Variants in ANK3 observed in about 807,000 individuals in gnomAD.
The protein encoded by ANK3 is ankyrin 3, also known as ankyrin-3.
In ANK3, 57 loss-of-function variants were observed where a neutral mutation model predicts 370.9. That is an observed-to-expected ratio of 0.15 (90% CI 0.12 to 0.19). ANK3 has a LOEUF of 0.19. Ranked by LOEUF, ANK3 falls within the 10% of genes least tolerant of loss-of-function variation. The probability of loss-of-function intolerance (pLI) is 1.00; values close to 1 mark genes in which losing one functional copy is unlikely to be tolerated. For missense variants in ANK3, 4,439 were observed against 5,302.1 expected (o/e 0.84, Z 5.06); for synonymous variants, 1,929 against 1,946.3 (o/e 0.99, Z 0.23).
chr10:60,626,396 A>G (rs2078410973), intron 1 of ANK3, among the ~76,000 whole-genome samples: 1 of 152,230 alleles, frequency 6.6e-6, no homozygotes, highest in Non-Finnish European at 1.5e-5. Flanking sequence ...AAGAGCATAA[A>G]TAATACTTCA....
chr10:60,123,921 C>T (rs544495975), intron 25 of ANK3, among the ~76,000 whole-genome samples: 67 of 152,296 alleles, frequency 4.4e-4, no homozygotes, highest in South Asian at 1.0e-3. Flanking sequence ...GTTCCCCACA[C>T]GAAGAATAAG....
intron 2 of ANK3, among the ~76,000 whole-genome samples, chr10:60,506,617 C>G (rs1595167535): frequency 1.3e-5 from 2 of 152,204 alleles, no homozygotes; most frequent in East Asian, 3.9e-4. Flanking sequence ...GAATTAAATA[C>G]TTGTGTGACC....
chr10:60,684,839 A>G (rs1267828481), intron 1 of ANK3: 1 of 1,507,740 alleles, frequency 6.6e-7, no homozygotes, highest in Non-Finnish European at 9.1e-7. Flanking sequence ...GAAGAAGCCA[A>G]AACTGAACTT....
Position 60,069,393 on chromosome 10 carries a change from T to G in ANK3, c.11488A>C (p.Lys3830Gln). 3.1e-6 allele frequency: 5 copies of G among 1,613,980 alleles called. No individual in the cohort carries two copies. The highest frequency in any genetic ancestry group is 4.2e-6 in the Non-Finnish European group (5 of 1,179,990). Residue 3830 changes from lysine (K) to glutamine (Q), a missense_variant, in exon 37 of 44, where the codon AAA becomes CAA. Coordinates refer to ENST00000280772, the MANE Select transcript of ANK3 (RefSeq NM_020987.5). ...TGTCCTTGTAGTACCCCTGTCTTTT[T>G]TCCTGATGAGACTTTCACTGGGTTA... ...KDNPVKVSSG[K>Q]KTGVLQGHCV...
chr10:60,637,236 C>G (rs1240822835), intron 1 of ANK3, among the ~76,000 whole-genome samples: 1 of 152,300 alleles, frequency 6.6e-6, no homozygotes, highest in Non-Finnish European at 1.5e-5. Flanking sequence ...CTACTAAGTT[C>G]CCCAATTTAT....
rs532134979 is a variant in ANK3, at chr10:60,733,451, C to T, written c.-132G>A. On this transcript the variant is annotated 5_prime_UTR_variant, in exon 1 of 44. Coordinates refer to the ANK3 transcript ENST00000373827. ...GGCTCAGGAACACCAAGCGCGGCCC[C>T]GCGACGCCCGCCCAGCGCGGCCTAT... The T allele has an allele frequency of 1.3e-5, 10 of 780,726 alleles. No homozygotes were observed. In the South Asian group the frequency reaches 2.0e-4, roughly 16 times the overall value. The allele number at this position is 780,726 out of a possible 1,614,324, so 48.4% of individuals were successfully genotyped here.
intron 42 of ANK3, among the ~76,000 whole-genome samples, chr10:60,051,220 A>G (rs1376919915): frequency 6.6e-6 from 1 of 152,222 alleles, no homozygotes; most frequent in African/African-American, 2.4e-5. Flanking sequence ...GCAGGATACA[A>G]ATGCCAAGAA....
At chr10:60,426,725 T>C (rs1225492912) in intron 2 of ANK3, among the ~76,000 whole-genome samples, 1 of 152,142 alleles carries the variant, frequency 6.6e-6, no homozygotes, top group Non-Finnish European at 1.5e-5. Context: ...CTTCCCACAA[T>C]TACTTATTTA....
chr10:60,571,600 C>G (rs2077601744), intron 2 of ANK3, among the ~76,000 whole-genome samples: 1 of 152,176 alleles, frequency 6.6e-6, no homozygotes, highest in African/African-American at 2.4e-5. Flanking sequence ...CCTTAAATAT[C>G]TATGAGCTAT....
chr10:60,414,060 TA>T (rs1181476494), intron 2 of ANK3, among the ~76,000 whole-genome samples: 1 of 152,146 alleles, frequency 6.6e-6, no homozygotes, highest in African/African-American at 2.4e-5. Flanking sequence ...AAGTTGAACA[TA>T]AGAGGAAATA....
intron 8 of ANK3, among the ~76,000 whole-genome samples, chr10:60,221,274 T>G (rs1484936014): frequency 6.6e-6 from 1 of 152,006 alleles, no homozygotes; most frequent in African/African-American, 2.4e-5. Context: ...GAGACTGAGT[T>G]TCACCATGTT....
chr10:60,443,312 T>C (rs1388067873), intron 2 of ANK3, among the ~76,000 whole-genome samples: 1 of 152,086 alleles, frequency 6.6e-6, no homozygotes, highest in Non-Finnish European at 1.5e-5. Flanking sequence ...TGCGTGTGTG[T>C]GTATTAAGAG....
intron 2 of ANK3, among the ~76,000 whole-genome samples, chr10:60,503,186 A>G (rs1384550643): frequency 1.3e-5 from 2 of 152,228 alleles, no homozygotes; most frequent in East Asian, 3.8e-4. Context: ...TTTGGCATAC[A>G]AAGAGTAATT....
chr10:60,328,954 C>T (rs983152722), intron 1 of ANK3, among the ~76,000 whole-genome samples: 2 of 152,180 alleles, frequency 1.3e-5, no homozygotes, highest in Non-Finnish European at 2.9e-5. Context: ...TTGGCTTCAT[C>T]CCTGGGATGC....
chr10:60,148,271 C>T (rs528078472), intron 23 of ANK3, among the ~76,000 whole-genome samples: 17 of 152,126 alleles, frequency 1.1e-4, no homozygotes, highest in Admixed American at 6.5e-5. Flanking sequence ...TCTTTTTCTA[C>T]CTCTTCATAG....
chr10:60,671,342 A>T (rs1462504438), intron 1 of ANK3, among the ~76,000 whole-genome samples: 1 of 151,822 alleles, frequency 6.6e-6, no homozygotes, highest in Non-Finnish European at 1.5e-5. Flanking sequence ...CCTACACAGG[A>T]TCTTCCCTCT....
intron 1 of ANK3, among the ~76,000 whole-genome samples, chr10:60,619,832 T>C (rs2078312559): frequency 6.6e-6 from 1 of 152,178 alleles, no homozygotes; most frequent in African/African-American, 2.4e-5. Context: ...TCCAGAACCA[T>C]TAGTTACCAA....
At chr10:60,440,900 A>C (rs1049522354) in intron 2 of ANK3, among the ~76,000 whole-genome samples, 3 of 152,214 alleles carry the variant, frequency 2.0e-5, no homozygotes, top group African/African-American at 7.2e-5. Flanking sequence ...ATACATTTTA[A>C]ATGGAAAACT....
At chr10:60,427,863 T>G (rs1001907246) in intron 2 of ANK3, among the ~76,000 whole-genome samples, 1 of 152,150 alleles carries the variant, frequency 6.6e-6, no homozygotes, top group Admixed American at 6.5e-5. Context: ...TTTCTGACAA[T>G]GCACTGAACA....
Sources: gnomAD v4.1 joint callset for allele counts (sites outside exome capture counted in the v4.1 genomes callset) on GRCh38, gnomAD v4.1.1 for gene constraint, MANE v1.5 for transcripts, NCBI Gene and HGNC (gene_info 2026-07-23, HGNC 2026-07-21) for gene names.